Variants in GRID2 observed in about 807,000 individuals in gnomAD.
GRID2 encodes the protein glutamate receptor ionotropic, delta-2.
Under a neutral mutation model 114.8 loss-of-function variants are expected in GRID2, and 33 were observed. The observed-to-expected ratio is 0.29, with a 90% CI of 0.22 to 0.38. GRID2 has a LOEUF of 0.38. Among genes scored for constraint, GRID2 ranks in the 10% least tolerant of loss-of-function variants. The pLI is 1.00. For synonymous variants in GRID2, 505 were observed against 449.9 expected, an observed-to-expected ratio of 1.12 and a Z score of -1.55; for missense variants, 1,184 against 1,257.7, an observed-to-expected ratio of 0.94 and a Z score of 0.89.
intron 2 of GRID2, among the ~76,000 whole-genome samples, chr4:93,051,879 G>GT (rs915600805): frequency 2.3e-4 from 35 of 150,708 alleles, no homozygotes; most frequent in East Asian, 7.8e-4. Flanking sequence ...TGTTTGTCCA[G>GT]TTTTTTTTTC....
At chr4:92,322,373 G>C (rs1181928598) in intron 1 of GRID2, among the ~76,000 whole-genome samples, 2 of 151,860 alleles carry the variant, frequency 1.3e-5, no homozygotes, top group Non-Finnish European at 2.9e-5. Context: ...GTATTGTCCA[G>C]TTTATTGTCC....
At chr4:93,661,278 C>T (rs1054378329) in intron 14 of GRID2, among the ~76,000 whole-genome samples, 1 of 152,138 alleles carries the variant, frequency 6.6e-6, no homozygotes, top group East Asian at 1.9e-4. Flanking sequence ...GCTTAAGTTT[C>T]CAGCTGAGGT....
chr4:93,763,159 T>A (rs1401581664), intron 14 of GRID2, among the ~76,000 whole-genome samples: 1 of 152,058 alleles, frequency 6.6e-6, no homozygotes, highest in East Asian at 1.9e-4. Flanking sequence ...CCACCACCTT[T>A]CCCCTAAATC....
At chr4:93,563,967 G>A (rs1370917020) in intron 13 of GRID2, among the ~76,000 whole-genome samples, 2 of 151,806 alleles carry the variant, frequency 1.3e-5, no homozygotes, top group Non-Finnish European at 2.9e-5. Flanking sequence ...AAATAAATGA[G>A]AAGAAAAAGA....
At chr4:93,019,280 A>AT (rs1050927246) in intron 2 of GRID2, among the ~76,000 whole-genome samples, 20 of 152,140 alleles carry the variant, frequency 1.3e-4, no homozygotes, top group South Asian at 6.2e-4. Context: ...AAATACCACA[A>AT]TTTTTTTTAT....
intron 8 of GRID2, among the ~76,000 whole-genome samples, chr4:93,256,655 T>C (rs1419750321): frequency 6.6e-6 from 1 of 151,830 alleles, no homozygotes; most frequent in Admixed American, 6.6e-5. Flanking sequence ...TAGATAGAAA[T>C]AGAGATAATA....
intron 2 of GRID2, among the ~76,000 whole-genome samples, chr4:92,699,688 G>T (rs1339852962): frequency 6.6e-6 from 1 of 152,082 alleles, no homozygotes; most frequent in Non-Finnish European, 1.5e-5. Flanking sequence ...TTTATCTGTA[G>T]AAGCATGCAT....
At position 93,056,438 on chromosome 4, in the gene GRID2, A is replaced by G. The variant is rs139521896; in HGVS notation, c.245-28557A>G. Among the ~76,000 whole-genome samples, 683 of 152,000 alleles carry G rather than the reference A, an allele frequency of 4.5e-3. 9 individuals are homozygous for G. Among genetic ancestry groups the G allele is most frequent in the African/African-American group, 0.016 (647 of 41,536 alleles). On this transcript the variant is annotated intron_variant, in intron 2 of 15. Transcript: ENST00000282020. ...GAAGTAGGAATATAAATGAAGGAAC[A>G]TGGATTTCACTTTAATGCTGCATAG...
chr4:93,240,461 G>T (rs1241755813), intron 8 of GRID2, among the ~76,000 whole-genome samples: 3 of 150,794 alleles, frequency 2.0e-5, no homozygotes, highest in African/African-American at 7.3e-5. Context: ...TTGGAGAAGG[G>T]TGTCTTTTGC....
chr4:92,452,622 G>A (rs539725107), intron 1 of GRID2, among the ~76,000 whole-genome samples: 57 of 152,030 alleles, frequency 3.7e-4, no homozygotes, highest in African/African-American at 1.2e-3. Flanking sequence ...CAAGGTGCCC[G>A]GCCCTCTTTA....
chr4:93,654,785 C>T (rs900154437), intron 14 of GRID2, among the ~76,000 whole-genome samples: 2 of 152,038 alleles, frequency 1.3e-5, no homozygotes, highest in Non-Finnish European at 2.9e-5. Context: ...AATTCCACTG[C>T]CCCAGTGTCA....
chr4:92,488,586 A>G (rs6532372), intron 1 of GRID2, among the ~76,000 whole-genome samples: 2,027 of 152,270 alleles, frequency 0.013, 48 homozygotes, highest in African/African-American at 0.047. Flanking sequence ...AAGCAAGGCA[A>G]AATTCCACTG....
chr4:92,333,509 G>T (rs1727001545), intron 1 of GRID2, among the ~76,000 whole-genome samples: 1 of 152,144 alleles, frequency 6.6e-6, no homozygotes, highest in Non-Finnish European at 1.5e-5. Context: ...GCAGATGGTT[G>T]CTTGGACACT....
intron 8 of GRID2, among the ~76,000 whole-genome samples, chr4:93,318,023 T>TATATATATATATG (rs1560493013): frequency 1.4e-5 from 1 of 70,810 alleles, no homozygotes; most frequent in Non-Finnish European, 3.5e-5. Context: ...ATATATATAT[T>TATATATATATATG]ACTACTTTCT....
At chr4:92,866,853 T>C (rs1744907674) in intron 2 of GRID2, among the ~76,000 whole-genome samples, 1 of 152,148 alleles carries the variant, frequency 6.6e-6, no homozygotes, top group African/African-American at 2.4e-5. Context: ...TCCCGGCCGA[T>C]GTTATCCTCT....
chr4:92,436,182 C>A (rs1732727336), intron 1 of GRID2, among the ~76,000 whole-genome samples: 1 of 152,076 alleles, frequency 6.6e-6, no homozygotes, highest in South Asian at 2.1e-4. Context: ...ATTAATAATT[C>A]TTGGAGGATA....
At chr4:93,753,119 A>G (rs1169575147) in intron 14 of GRID2, among the ~76,000 whole-genome samples, 4 of 152,206 alleles carry the variant, frequency 2.6e-5, no homozygotes, top group African/African-American at 7.2e-5. Flanking sequence ...GCTGTTTGCT[A>G]CACCTCCTAT....
intron 2 of GRID2, among the ~76,000 whole-genome samples, chr4:93,053,010 C>A (rs745369479): frequency 6.6e-6 from 1 of 151,888 alleles, no homozygotes; most frequent in Non-Finnish European, 1.5e-5. Flanking sequence ...TCACATATGT[C>A]AGAGGATATA....
At chr4:92,933,992 A>T (rs79735187) in intron 2 of GRID2, among the ~76,000 whole-genome samples, 3,817 of 151,818 alleles carry the variant, frequency 0.025, 86 homozygotes, top group African/African-American at 0.055. Context: ...TAAACACTCT[A>T]TAAAAGATTG....
Sources: allele counts gnomAD v4.1 joint callset (sites outside exome capture counted in the v4.1 genomes callset), GRCh38; gene constraint gnomAD v4.1.1; transcripts MANE v1.5; gene names NCBI Gene and HGNC (gene_info 2026-07-23, HGNC 2026-07-21).